TMEM132E: variants seen among roughly 807,000 people sequenced by gnomAD.
TMEM132E encodes transmembrane protein 132E.
A neutral mutation model predicts 78.5 loss-of-function variants in TMEM132E; 49 were observed. The observed-to-expected ratio is 0.62, with a 90% confidence interval of 0.50 to 0.79. The LOEUF is 0.79. Ranked by LOEUF, TMEM132E falls within the 30% of genes least tolerant of loss-of-function variation. TMEM132E has a pLI of 0.00. For missense variants in TMEM132E, 1,403 were observed against 1,470.9 expected (o/e 0.95, Z 0.75); for synonymous variants, 715 against 670.6 (o/e 1.07, Z -1.02).
At chr17:34,592,576 AGCAGGATGG>A (rs1905910038) in intron 1 of TMEM132E, among the ~76,000 whole-genome samples, 2 of 152,190 alleles carry the variant, frequency 1.3e-5, no homozygotes, top group Non-Finnish European at 2.9e-5. Flanking sequence ...ATCCACTCCT[AGCAGGATGG>A]CCAGGTAACC....
rs545463925 is a variant in TMEM132E, at chr17:34,619,565, G to C, written c.68-6562G>C. The stretch of plus-strand genomic sequence containing the variant: ...TGGGCCAGGCACTGTTCTAGGCTCT[G>C]GGTACTTGTCACCATTAACTATCAG... On this transcript the variant is annotated intron_variant, in intron 1 of 8. Coordinates refer to ENST00000631683, the MANE Select transcript of TMEM132E (RefSeq NM_001304438.2). Among the ~76,000 whole-genome samples the C allele has an allele frequency of 4.6e-5, 7 of 151,854 alleles. No homozygotes were observed. In the South Asian group the frequency reaches 6.2e-4, roughly 14 times the overall value.
chr17:34,623,412 C>T (rs2338966), intron 1 of TMEM132E, among the ~76,000 whole-genome samples: 131,172 of 147,364 alleles, frequency 0.89, 58,558 homozygotes, highest in Middle Eastern at 0.95. Context: ...CCCCCCCCCC[C>T]CCCCGTCCCT....
At chr17:34,619,071 G>C (rs1368366327) in intron 1 of TMEM132E, among the ~76,000 whole-genome samples, 1 of 152,206 alleles carries the variant, frequency 6.6e-6, no homozygotes, top group Non-Finnish European at 1.5e-5. Flanking sequence ...TGGTCCTCCA[G>C]GTCTGGGTTG....
chr17:34,604,662 A>G (rs993395566), intron 1 of TMEM132E, among the ~76,000 whole-genome samples: 13 of 152,160 alleles, frequency 8.5e-5, no homozygotes, highest in African/African-American at 2.9e-4. Context: ...TGTCCCCCTC[A>G]GAAACCAACT....
chr17:34,581,010 G>A lies in TMEM132E; in HGVS notation c.-67G>A. On this transcript the variant is annotated 5_prime_UTR_variant, in exon 1 of 9. Coordinates refer to ENST00000631683, the MANE Select transcript of TMEM132E (RefSeq NM_001304438.2). ...GCAGCCCTGAGTTGGATGTGACCAAGCCCAGCCTGGGGCCAAGTCGTCGTC... is the reference window on the plus strand; with the variant it reads ...GCAGCCCTGAGTTGGATGTGACCAAACCCAGCCTGGGGCCAAGTCGTCGTC... The A allele has an allele frequency of 7.1e-7, 1 of 1,411,430 alleles. No homozygotes were observed. The highest frequency in any genetic ancestry group is 2.2e-5 in the Admixed American group (1 of 46,256). 87.4% of individuals were successfully genotyped at this position (1,411,430 alleles called of 1,614,324 possible).
intron 1 of TMEM132E, among the ~76,000 whole-genome samples, chr17:34,586,174 C>G (rs1905670821): frequency 6.6e-6 from 1 of 152,188 alleles, no homozygotes; most frequent in South Asian, 2.1e-4. Flanking sequence ...CCGATGCTAA[C>G]AAGTGGAAGA....
chr17:34,617,442 G>A (rs1441207247), intron 1 of TMEM132E, among the ~76,000 whole-genome samples: 1 of 152,210 alleles, frequency 6.6e-6, no homozygotes, highest in Non-Finnish European at 1.5e-5. Flanking sequence ...TGCACCAAGT[G>A]CAGGAGAAAA....
At position 34,637,239 on chromosome 17, in the gene TMEM132E, C is replaced by T; in HGVS notation, c.2232C>T (p.Tyr744=). 6.2e-7 allele frequency: 1 copy of T among 1,613,770 alleles called. No homozygotes were observed. Among genetic ancestry groups the T allele is most frequent in the Non-Finnish European group, 8.5e-7 (1 of 1,179,794 alleles). ...SDGTTAPLSL[Y]SPRDYGLLVS... ...GCACCACAGCCCCACTCTCCCTCTA[C>T]AGCCCACGAGACTATGGACTGCTAG... The change falls in exon 9 of 9, where the codon TAC becomes TAT. Residue 744 remains tyrosine, a synonymous_variant. Coordinates refer to ENST00000631683, the MANE Select transcript of TMEM132E (RefSeq NM_001304438.2).
rs141502241 is a variant in TMEM132E, at chr17:34,626,415, G to A, written c.356G>A (p.Arg119His). The A allele has an allele frequency of 3.0e-5, 48 of 1,613,254 alleles. No homozygotes were observed. In the African/African-American group the frequency reaches 5.6e-4, roughly 19 times the overall value. Reference protein sequence around the residue: ...QPSSTLDIPERLTVNWKVRAF... With the variant: ...QPSSTLDIPEHLTVNWKVRAF... Reference sequence around the variant, plus strand: ...TCCAGCACCCTGGACATCCCCGAGCGCCTGACGGTGAACTGGAAGGTGCGG... The same window carrying A: ...TCCAGCACCCTGGACATCCCCGAGCACCTGACGGTGAACTGGAAGGTGCGG... The change falls in exon 2 of 9, where the codon CGC becomes CAC. Residue 119 changes from arginine (R) to histidine (H), a missense_variant. Physicochemically the swap from Arg to His is conservative, Grantham distance 29. Coordinates refer to ENST00000631683, the MANE Select transcript of TMEM132E (RefSeq NM_001304438.2).
intron 1 of TMEM132E, among the ~76,000 whole-genome samples, chr17:34,584,918 C>T (rs371212801): frequency 1.1e-4 from 17 of 152,342 alleles, no homozygotes; most frequent in African/African-American, 3.8e-4. Context: ...GATCCCCAGC[C>T]CAGCAACCTT....
rs926693732 is a variant in TMEM132E at position 34,581,115 on chromosome 17, G to T, written c.39G>T (p.Leu13=). The change falls in exon 1 of 9, where the codon CTG becomes CTT. Residue 13 remains leucine, a synonymous_variant. Coordinates refer to ENST00000631683, the MANE Select transcript of TMEM132E (RefSeq NM_001304438.2). ...TGTCGGGCCGCGGCGGCGCCGCCCTGCTCTGCCTCTCAGCGCTACTCGCCC... is the reference window on the plus strand; with the variant it reads ...TGTCGGGCCGCGGCGGCGCCGCCCTTCTCTGCCTCTCAGCGCTACTCGCCC... ...PGMSGRGGAA[L]LCLSALLAHA... The T allele has an allele frequency of 2.0e-6, 3 of 1,533,720 alleles. No homozygotes were observed. In the Admixed American group the frequency reaches 6.0e-5, roughly 31 times the overall value.
At chr17:34,623,185 C>T (rs1008857521) in intron 1 of TMEM132E, among the ~76,000 whole-genome samples, 1 of 152,262 alleles carries the variant, frequency 6.6e-6, no homozygotes, top group African/African-American at 2.4e-5. Flanking sequence ...TGAGGGGATC[C>T]GGGTGGGGCA....
At chr17:34,612,397 A>T (rs763815973) in intron 1 of TMEM132E, among the ~76,000 whole-genome samples, 1 of 152,088 alleles carries the variant, frequency 6.6e-6, no homozygotes, top group Non-Finnish European at 1.5e-5. Context: ...CTCCTCCCCA[A>T]CTGGAAATGC....
intron 1 of TMEM132E, among the ~76,000 whole-genome samples, chr17:34,597,537 T>C (rs1906101225): frequency 6.6e-6 from 1 of 152,210 alleles, no homozygotes; most frequent in African/African-American, 2.4e-5. Flanking sequence ...TGTGTCCTTC[T>C]GCAGATGCGG....
At chr17:34,623,411 C>T (rs80163583) in intron 1 of TMEM132E, among the ~76,000 whole-genome samples, 13 of 106,782 alleles carry the variant, frequency 1.2e-4, no homozygotes, top group South Asian at 1.2e-3. Flanking sequence ...TCCCCCCCCC[C>T]CCCCCGTCCC....
intron 1 of TMEM132E, among the ~76,000 whole-genome samples, chr17:34,620,510 T>C (rs73988743): frequency 0.081 from 12,267 of 152,328 alleles, 575 homozygotes; most frequent in African/African-American, 0.13. Flanking sequence ...TTCAGCTGCA[T>C]AGGCAGAGGT....
At chr17:34,597,105 CT>C (rs1836414300) in intron 1 of TMEM132E, among the ~76,000 whole-genome samples, 1 of 152,142 alleles carries the variant, frequency 6.6e-6, no homozygotes, top group Admixed American at 6.5e-5. Flanking sequence ...AGACAGGGAG[CT>C]CCTCAGGACA....
At chr17:34,609,227 C>T (rs1906513346) in intron 1 of TMEM132E, among the ~76,000 whole-genome samples, 2 of 152,174 alleles carry the variant, frequency 1.3e-5, no homozygotes, top group South Asian at 4.2e-4. Flanking sequence ...AAGCCTCCGG[C>T]TGCCCTGCCT....
chr17:34,605,968 C>G (rs776800702), intron 1 of TMEM132E, among the ~76,000 whole-genome samples: 1 of 152,210 alleles, frequency 6.6e-6, no homozygotes, highest in East Asian at 1.9e-4. Flanking sequence ...AGCCTCAAAT[C>G]AGGAGGTGGA....
Sources: allele counts gnomAD v4.1 joint callset (sites outside exome capture counted in the v4.1 genomes callset), GRCh38; gene constraint gnomAD v4.1.1; transcripts MANE v1.5; gene names NCBI Gene and HGNC (gene_info 2026-07-23, HGNC 2026-07-21).